FRS2: variants seen among roughly 807,000 people sequenced by gnomAD.
The protein encoded by FRS2 is fibroblast growth factor receptor substrate 2.
In FRS2, 8 loss-of-function variants were observed where a neutral mutation model predicts 43.9. The ratio of observed to expected loss-of-function variants is 0.18; its 90% CI spans 0.11 to 0.33. FRS2 has a LOEUF of 0.33. Among genes scored for constraint, FRS2 ranks in the 10% least tolerant of loss-of-function variants. The pLI is 1.00. For missense variants in FRS2, 534 were observed against 627.6 expected (o/e 0.85, Z 1.59); for synonymous variants, 219 against 220.3 (o/e 0.99, Z 0.05).
intron 1 of FRS2, chr12:69,491,538 G>A (rs1319332648): frequency 3.3e-5 from 4 of 122,870 alleles, no homozygotes; most frequent in Non-Finnish European, 6.4e-5. Context: ...TTGGAGACAG[G>A]TACCCAGGCT....
chr12:69,482,530 G>C (rs1478600677), intron 1 of FRS2, among the ~76,000 whole-genome samples: 3 of 152,198 alleles, frequency 2.0e-5, no homozygotes, highest in African/African-American at 7.2e-5. Flanking sequence ...TCAGTAGATA[G>C]TTATTGGGAG....
chr12:69,549,268 G>A (rs1357855316), intron 3 of FRS2, among the ~76,000 whole-genome samples: 1 of 151,914 alleles, frequency 6.6e-6, no homozygotes, highest in Non-Finnish European at 1.5e-5. Context: ...TCTTTTTTAT[G>A]TGTTTTACTT....
intron 3 of FRS2, among the ~76,000 whole-genome samples, chr12:69,536,243 A>C (rs577011371): frequency 6.8e-6 from 1 of 146,246 alleles, no homozygotes. Flanking sequence ...TCGTGCCTCA[A>C]CCTTCTGAGT....
intron 1 of FRS2, among the ~76,000 whole-genome samples, chr12:69,477,272 CTTTTTT>C (rs11300091): frequency 1.9e-5 from 2 of 103,158 alleles, no homozygotes; most frequent in Non-Finnish European, 3.6e-5. Context: ...TTTTAAAATA[CTTTTTT>C]TTTTTTTTTT....
intron 1 of FRS2, among the ~76,000 whole-genome samples, chr12:69,488,877 G>A (rs147442416): frequency 6.6e-6 from 1 of 152,270 alleles, no homozygotes; most frequent in Non-Finnish European, 1.5e-5. Flanking sequence ...CAGAAGGGTA[G>A]GGACATGTTA....
chr12:69,476,314 A>G (rs781702978), intron 1 of FRS2, among the ~76,000 whole-genome samples: 6 of 152,180 alleles, frequency 3.9e-5, no homozygotes, highest in Non-Finnish European at 7.3e-5. Flanking sequence ...GTAGCTCTAA[A>G]TTACTTGTTT....
At chr12:69,550,233 C>G (rs1878755463) in intron 3 of FRS2, among the ~76,000 whole-genome samples, 1 of 152,210 alleles carries the variant, frequency 6.6e-6, no homozygotes, top group Non-Finnish European at 1.5e-5. Context: ...CCTTCCCAGT[C>G]TAATCAATCA....
At chr12:69,550,218 G>C (rs1742820378) in intron 3 of FRS2, among the ~76,000 whole-genome samples, 1 of 152,170 alleles carries the variant, frequency 6.6e-6, no homozygotes, top group Non-Finnish European at 1.5e-5. Context: ...CTTGACTCCT[G>C]CTTTCCTTCC....
At chr12:69,503,378 C>G (rs904588516) in intron 1 of FRS2, among the ~76,000 whole-genome samples, 1 of 151,980 alleles carries the variant, frequency 6.6e-6, no homozygotes, top group African/African-American at 2.4e-5. Flanking sequence ...CTGGATAATC[C>G]CATTTTCTTA....
chr12:69,568,548 T>C (rs1042280193), intron 4 of FRS2, among the ~76,000 whole-genome samples: 1 of 151,970 alleles, frequency 6.6e-6, no homozygotes, highest in Admixed American at 6.6e-5. Flanking sequence ...TCTCTGTGTC[T>C]CTGGCTGTCT....
At chr12:69,567,682 A>C (rs1323654696) in intron 4 of FRS2, among the ~76,000 whole-genome samples, 1 of 152,212 alleles carries the variant, frequency 6.6e-6, no homozygotes, top group Non-Finnish European at 1.5e-5. Context: ...GCTTGGAGTC[A>C]GGGAAAGCAT....
intron 1 of FRS2, among the ~76,000 whole-genome samples, chr12:69,476,736 C>T (rs906285897): frequency 2.6e-4 from 2 of 7,730 alleles, no homozygotes; most frequent in East Asian, 2.7e-3. Context: ...GGTGGGCAGG[C>T]GGCTGTGGGG....
intron 1 of FRS2, among the ~76,000 whole-genome samples, chr12:69,471,099 C>T (rs1288494580): frequency 1.3e-5 from 2 of 152,096 alleles, no homozygotes; most frequent in African/African-American, 4.8e-5. Flanking sequence ...GGGCTCGGAA[C>T]CGGTCCTGGA....
chr12:69,521,390 T>G (rs1464382609), intron 1 of FRS2, among the ~76,000 whole-genome samples: 1 of 152,198 alleles, frequency 6.6e-6, no homozygotes, highest in African/African-American at 2.4e-5. Context: ...GAATGCCCTT[T>G]ATTTCTTTCT....
chr12:69,566,131 C>A (rs1565778923), intron 4 of FRS2, among the ~76,000 whole-genome samples: 1 of 152,036 alleles, frequency 6.6e-6, no homozygotes, highest in South Asian at 2.1e-4. Context: ...CTGTTGCCAA[C>A]CAAACATTTG....
intron 1 of FRS2, among the ~76,000 whole-genome samples, chr12:69,479,840 CTT>C (rs1385482963): frequency 1.3e-5 from 2 of 152,118 alleles, no homozygotes. Flanking sequence ...AGATTAGTGT[CTT>C]TCAACAATTT....
rs558095405 is a variant in FRS2 at position 69,483,577 on chromosome 12, A to G, written c.-261+13047A>G. 2.0e-5 allele frequency among the ~76,000 whole-genome samples: 3 copies of G among 152,140 alleles called. No individual in the cohort carries two copies. The South Asian group carries it at 6.2e-4, about 32-fold the overall frequency. On this transcript the variant is annotated intron_variant, in intron 1 of 8. Transcript: ENST00000549921. ...GCCTTTTTCATATACATCTTCTATC[A>G]CTTATAGTATATACTCAATTTTGTT...
intron 1 of FRS2, among the ~76,000 whole-genome samples, chr12:69,496,297 C>T (rs574932637): frequency 1.2e-4 from 18 of 152,122 alleles, no homozygotes; most frequent in African/African-American, 3.1e-4. Context: ...ATTAGCCGGG[C>T]GTGGTGGTGG....
chr12:69,534,851 C>T (rs932636636), intron 3 of FRS2, among the ~76,000 whole-genome samples: 3 of 152,004 alleles, frequency 2.0e-5, no homozygotes, highest in Admixed American at 6.6e-5. Flanking sequence ...AAGTTGGGGA[C>T]GGTGCTTTGA....
Sources: gnomAD v4.1 joint callset for allele counts (sites outside exome capture counted in the v4.1 genomes callset) on GRCh38, gnomAD v4.1.1 for gene constraint, MANE v1.5 for transcripts, NCBI Gene and HGNC (gene_info 2026-07-23, HGNC 2026-07-21) for gene names.